The following GHR variants were observed in gnomAD, a reference collection of about 807,000 sequenced individuals.
The protein encoded by GHR is growth hormone receptor.
Under a neutral mutation model 67.1 loss-of-function variants are expected in GHR, and 35 were observed. The observed-to-expected ratio is 0.52, with a 90% CI of 0.40 to 0.69. The LOEUF is 0.69. Among genes scored for constraint, GHR ranks in the 30% least tolerant of loss-of-function variants. The probability of loss-of-function intolerance (pLI) is 0.00; values close to 1 mark genes in which losing one functional copy is unlikely to be tolerated. For synonymous variants in GHR, 272 were observed against 269.1 expected, an observed-to-expected ratio of 1.01 and a Z score of -0.10; for missense variants, 792 against 764.6, an observed-to-expected ratio of 1.04 and a Z score of -0.42.
chr5:42,587,634 C>T lies in GHR; in HGVS notation c.70+21690C>T, dbSNP rs543030946. 3.3e-5 allele frequency among the ~76,000 whole-genome samples: 5 copies of T among 151,798 alleles called. No homozygotes were observed. In the East Asian group the frequency reaches 5.8e-4, roughly 18 times the overall value. On this transcript the variant is annotated intron_variant, in intron 2 of 9. Coordinates refer to ENST00000230882, the MANE Select transcript of GHR (RefSeq NM_000163.5). ...GGTTTTGCTCCCTTCTCTTTCGTAT[C>T]GGAATGTGAACTTGGGGAAAGATTT...
chr5:42,523,460 T>TTTA (rs1403532718), intron 1 of GHR, among the ~76,000 whole-genome samples: 1 of 152,244 alleles, frequency 6.6e-6, no homozygotes, highest in South Asian at 2.1e-4. Context: ...TTCAAACTTT[T>TTTA]TTATTATTAT....
At position 42,719,280 on chromosome 5, in the gene GHR, T is replaced by G. The variant is rs1758898701; in HGVS notation, c.1773T>G (p.Pro591=). ...TGEHVPGSEM[P]VPDYTSIHIV... ...AACATGTTCCAGGTTCTGAGATGCC[T>G]GTCCCAGACTATACCTCCATTCATA... Residue 591 remains proline (P), a synonymous_variant, in exon 10 of 10, where the codon CCT becomes CCG. Transcript: ENST00000230882. 1 of 1,614,058 alleles carries G rather than the reference T, an allele frequency of 6.2e-7. No homozygotes were observed. The highest frequency in any genetic ancestry group is 8.5e-7 in the Non-Finnish European group (1 of 1,180,022).
intron 3 of GHR, among the ~76,000 whole-genome samples, chr5:42,657,949 A>C (rs1755345150): frequency 6.6e-6 from 1 of 152,040 alleles, no homozygotes; most frequent in African/African-American, 2.4e-5. Flanking sequence ...TATAAGTCTT[A>C]TTTTCCCAAC....
rs75532662 is a variant in GHR at position 42,605,090 on chromosome 5, C to T, written c.71-23948C>T. 2.7e-3 allele frequency among the ~76,000 whole-genome samples: 247 copies of T among 90,100 alleles called. 2 individuals are homozygous for T. The highest frequency in any genetic ancestry group is 0.011 in the African/African-American group (234 of 20,566). 59.1% of individuals were successfully genotyped at this position (90,100 alleles called of 152,430 possible). On this transcript the variant is annotated intron_variant, in intron 2 of 9. Transcript: ENST00000230882. ...ACTTGACCAGAGATTTGTGGTGCCT[C>T]TTTTTTTTTTTTTTTTTTTTTTTTG...
At chr5:42,460,311 T>C (rs1275932330) in intron 1 of GHR, among the ~76,000 whole-genome samples, 3 of 152,254 alleles carry the variant, frequency 2.0e-5, no homozygotes, top group African/African-American at 7.2e-5. Context: ...TATTATACCA[T>C]GTAAGCAGGT....
At chr5:42,451,895 C>T (rs1013292560) in intron 1 of GHR, among the ~76,000 whole-genome samples, 1 of 152,056 alleles carries the variant, frequency 6.6e-6, no homozygotes, top group Admixed American at 6.5e-5. Context: ...GCATTTAGGC[C>T]ATTTGCTTTC....
chr5:42,672,179 A>G (rs1756349364), intron 3 of GHR, among the ~76,000 whole-genome samples: 1 of 152,182 alleles, frequency 6.6e-6, no homozygotes, highest in African/African-American at 2.4e-5. Flanking sequence ...AAGACATCAA[A>G]ATAGAAAAAG....
intron 1 of GHR, among the ~76,000 whole-genome samples, chr5:42,495,512 G>A (rs1278870286): frequency 1.3e-5 from 2 of 152,014 alleles, no homozygotes; most frequent in East Asian, 1.9e-4. Flanking sequence ...TATTCATCCT[G>A]TATTAGTTCA....
chr5:42,502,336 G>GA (rs1166044122), intron 1 of GHR, among the ~76,000 whole-genome samples: 1 of 151,948 alleles, frequency 6.6e-6, no homozygotes, highest in Non-Finnish European at 1.5e-5. Flanking sequence ...ACAAAGCAGA[G>GA]AAAAAATAAA....
At chr5:42,692,868 C>G (rs1420358220) in intron 4 of GHR, among the ~76,000 whole-genome samples, 1 of 152,084 alleles carries the variant, frequency 6.6e-6, no homozygotes, top group African/African-American at 2.4e-5. Context: ...CATTTGATAT[C>G]CCTTCTATTA....
At chr5:42,576,119 A>G (rs1383375393) in intron 2 of GHR, among the ~76,000 whole-genome samples, 19 of 102,578 alleles carry the variant, frequency 1.9e-4, no homozygotes, top group African/African-American at 8.0e-4. Context: ...AAAATAAAAT[A>G]AAATAAAATA....
intron 1 of GHR, among the ~76,000 whole-genome samples, chr5:42,521,427 T>C (rs915087379): frequency 6.6e-6 from 1 of 152,228 alleles, no homozygotes; most frequent in Non-Finnish European, 1.5e-5. Flanking sequence ...AGTATCTTTT[T>C]CAGGATTTAC....
Position 42,490,038 on chromosome 5 carries a change from G to A in GHR, c.-12+66083G>A, listed in dbSNP as rs575772808. 3.3e-5 allele frequency among the ~76,000 whole-genome samples: 5 copies of A among 152,206 alleles called. No individual in the cohort carries two copies. In the East Asian group the frequency reaches 9.6e-4, roughly 29 times the overall value. ...TCTCACATAAAAAGCTGTAAAAATT[G>A]GGCAAGTATTTGCACCTAACCAGTA... On this transcript the variant is annotated intron_variant, in intron 1 of 9. Transcript: ENST00000230882.
intron 2 of GHR, among the ~76,000 whole-genome samples, chr5:42,586,491 A>G (rs1751482910): frequency 6.6e-6 from 1 of 152,216 alleles, no homozygotes; most frequent in Non-Finnish European, 1.5e-5. Context: ...GCTCGATGAT[A>G]AGATAGGACA....
intron 2 of GHR, among the ~76,000 whole-genome samples, chr5:42,590,180 A>G (rs1459866792): frequency 2.6e-5 from 4 of 152,224 alleles, no homozygotes; most frequent in African/African-American, 7.2e-5. Flanking sequence ...GGGCAAGTAC[A>G]TATATGAATA....
At chr5:42,441,151 A>T (rs1046791992) in intron 1 of GHR, among the ~76,000 whole-genome samples, 5 of 152,202 alleles carry the variant, frequency 3.3e-5, no homozygotes, top group African/African-American at 1.2e-4. Flanking sequence ...AGTCTGAGCC[A>T]TGAGAACTCC....
chr5:42,521,685 AT>A (rs1445354752), intron 1 of GHR, among the ~76,000 whole-genome samples: 1 of 152,002 alleles, frequency 6.6e-6, no homozygotes, highest in African/African-American at 2.4e-5. Context: ...TTTTCTTTTG[AT>A]TTTTTTGCTT....
chr5:42,468,537 G>C, intron 1 of GHR: 1 of 819,182 alleles, frequency 1.2e-6, no homozygotes, highest in South Asian at 1.8e-5. Flanking sequence ...ACTGGCACGA[G>C]AACAATGACC....
intron 1 of GHR, among the ~76,000 whole-genome samples, chr5:42,479,342 TTC>T (rs1745498899): frequency 6.6e-6 from 1 of 152,238 alleles, no homozygotes; most frequent in South Asian, 2.1e-4. Context: ...TGGTCTAAAA[TTC>T]TCTTTTTTGG....
Sources: allele counts gnomAD v4.1 joint callset (sites outside exome capture counted in the v4.1 genomes callset), GRCh38; gene constraint gnomAD v4.1.1; transcripts MANE v1.5; gene names NCBI Gene and HGNC (gene_info 2026-07-23, HGNC 2026-07-21).